Variants in PAK4 observed in about 807,000 individuals in gnomAD.
PAK4 encodes the protein p21 (RAC1) activated kinase 4, also known as serine/threonine-protein kinase PAK 4.
In PAK4, 49 loss-of-function variants were observed where a neutral mutation model predicts 53.5. The ratio of observed to expected loss-of-function variants is 0.92; its 90% CI spans 0.73 to 1.16. PAK4 has a LOEUF of 1.16. Among genes scored for constraint, PAK4 ranks in the 50% most tolerant of loss-of-function variants. The pLI is 0.00. For missense variants in PAK4, 824 were observed against 850.7 expected, an observed-to-expected ratio of 0.97 and a Z score of 0.39; for synonymous variants, 376 against 375.6, an observed-to-expected ratio of 1.00 and a Z score of -0.01.
intron 1 of PAK4, among the ~76,000 whole-genome samples, chr19:39,148,640 A>T (rs1170444759): frequency 6.6e-6 from 1 of 150,576 alleles, no homozygotes; most frequent in Non-Finnish European, 1.5e-5. Context: ...TGTTTTTAGT[A>T]GGCACAGGAT....
In PAK4 at chr19:39,161,907, A is replaced by G. The variant is rs1008998288; in HGVS notation, c.-22-7625A>G. Among the ~76,000 whole-genome samples, 16 of 151,734 alleles carry G rather than the reference A, an allele frequency of 1.1e-4. No individual in the cohort carries two copies. Among genetic ancestry groups the G allele is most frequent in the Non-Finnish European group, 1.6e-4 (11 of 67,954 alleles). On this transcript the variant is annotated intron_variant, in intron 1 of 8. Coordinates refer to ENST00000358301, the Ensembl canonical transcript of PAK4. This position sits in a 1 kb window ranked among gnomAD's most constrained non-coding sequence, Gnocchi z 4.5. ...CCCCTCCTCACGCAGGTCCCTGCTC[A>G]CGTGTCCCCTTCTCAGCAAGGCCTG...
chr19:39,141,046 G>A (rs2073900400), intron 1 of PAK4, among the ~76,000 whole-genome samples: 2 of 152,122 alleles, frequency 1.3e-5, no homozygotes, highest in African/African-American at 2.4e-5. Flanking sequence ...TTGCCATTAC[G>A]ATGAGGTCAC....
At chr19:39,170,761 C>CT (rs2074463237) in intron 2 of PAK4, among the ~76,000 whole-genome samples, 1 of 152,260 alleles carries the variant, frequency 6.6e-6, no homozygotes, top group Admixed American at 6.5e-5. Flanking sequence ...TGGTAGCCCA[C>CT]TGAGGGGTCC....
intron 1 of PAK4, chr19:39,152,133 C>G (rs915783748): frequency 1.3e-5 from 2 of 151,600 alleles, no homozygotes; most frequent in African/African-American, 4.9e-5. Context: ...CGAGGTCTCC[C>G]TATATTGCTC....
chr19:39,144,077 G>A (rs764029923), intron 1 of PAK4, among the ~76,000 whole-genome samples: 8 of 151,992 alleles, frequency 5.3e-5, no homozygotes, highest in Non-Finnish European at 1.0e-4. Flanking sequence ...AAGATAGAGC[G>A]AGCAAGACCC....
Position 39,178,669 on chromosome 19 carries a change from C to T in PAK4, c.*90C>T. ...AGGGGGCCAGGCCTCCCACTCCTCC[C>T]AGCCCGGGAGATGCTCCGCGTGGCA... On this transcript the variant is annotated 3_prime_UTR_variant, in exon 9 of 9. Coordinates refer to ENST00000358301, the Ensembl canonical transcript of PAK4. This position sits in a 1 kb window ranked among gnomAD's most constrained non-coding sequence, Gnocchi z 4.4. 8.1e-7 allele frequency: 1 copy of T among 1,229,972 alleles called. No homozygotes were observed. The highest frequency in any genetic ancestry group is 1.1e-6 in the Non-Finnish European group (1 of 886,704). 76.2% of individuals were successfully genotyped at this position (1,229,972 alleles called of 1,614,324 possible). A position where few individuals can be genotyped will look rare whatever the true frequency, so the allele number is the denominator to read the frequency against.
intron 1 of PAK4, among the ~76,000 whole-genome samples, chr19:39,148,466 C>CTTTTTTTTTTTTTCTTTTTTTTT (rs2074040526): frequency 3.5e-5 from 2 of 56,786 alleles, no homozygotes; most frequent in Non-Finnish European, 5.8e-5. Flanking sequence ...GTTTCTTCTG[C>CTTTTTTTTTTTTTCTTTTTTTTT]TTTTTTTTTT....
In PAK4 at chr19:39,140,447, C is replaced by T. The variant is rs558957259; in HGVS notation, c.-23+14528C>T. On this transcript the variant is annotated intron_variant, in intron 1 of 8. Transcript: ENST00000358301. ...AAGTTTGCAGGGAGGACTGTCCCCA[C>T]GGGTTGACTCTGACATGCCCTGTGA... 3.3e-5 allele frequency among the ~76,000 whole-genome samples: 5 copies of T among 152,294 alleles called. No homozygotes were observed. The South Asian group carries it at 6.2e-4, about 19-fold the overall frequency.
In PAK4 at chr19:39,161,649, C is replaced by T. The variant is rs567217210; in HGVS notation, c.-22-7883C>T. On this transcript the variant is annotated intron_variant, in intron 1 of 8. Coordinates refer to ENST00000358301, the Ensembl canonical transcript of PAK4. This position sits in a 1 kb window ranked among gnomAD's most constrained non-coding sequence, Gnocchi z 4.5. The stretch of plus-strand genomic sequence containing the variant: ...GTGGCCCTCCTGGGCTCAGAGACCC[C>T]TGCAACTCCGTCTCACTCGGGAAAG... Among the ~76,000 whole-genome samples, 32 of 152,164 alleles carry T rather than the reference C, an allele frequency of 2.1e-4. No homozygotes were observed. Among genetic ancestry groups the T allele is most frequent in the African/African-American group, 7.5e-4 (31 of 41,518 alleles).
At chr19:39,152,085 A>G (rs2074101811) in intron 1 of PAK4, 1 of 149,918 alleles carries the variant, frequency 6.7e-6, no homozygotes, top group African/African-American at 2.4e-5. Flanking sequence ...ATTGTGCACC[A>G]TTCTGAGTTA....
intron 1 of PAK4, among the ~76,000 whole-genome samples, chr19:39,164,435 G>A (rs919495930): frequency 6.6e-6 from 1 of 152,192 alleles, no homozygotes; most frequent in African/African-American, 2.4e-5. Context: ...GTCAGGGAAG[G>A]TGGGAGATCA....
At position 39,175,395 on chromosome 19, in the gene PAK4, G is replaced by T; in HGVS notation, c.1316G>T (p.Arg439Leu). The change falls in exon 6 of 9, where the codon CGG becomes CTG. Residue 439 changes from arginine to leucine, a missense_variant. Arg to Leu is a moderately radical substitution (Grantham distance 102, BLOSUM62 -2). Around this residue, in one of 2 missense-constraint regions of PAK4, gnomAD observed 346 missense variants for 415.0 expected, o/e 0.83. Coordinates refer to ENST00000358301, the Ensembl canonical transcript of PAK4. This position sits in a 1 kb window ranked among gnomAD's most constrained non-coding sequence, Gnocchi z 4.7. ...CTCCACGCCCAGGGCGTCATCCACC[G>T]GGACATCAAGAGCGACTCGATCCTG... The T allele has an allele frequency of 6.2e-7, 1 of 1,611,926 alleles. No homozygotes were observed. Among genetic ancestry groups the T allele is most frequent in the Non-Finnish European group, 8.5e-7 (1 of 1,179,498 alleles).
intron 1 of PAK4, among the ~76,000 whole-genome samples, chr19:39,159,965 C>T (rs1346206605): frequency 6.6e-6 from 1 of 152,198 alleles, no homozygotes; most frequent in African/African-American, 2.4e-5. Flanking sequence ...CCAGAGGCAC[C>T]CCCCATGTGA....
Position 39,173,340 on chromosome 19 carries a change from G to C in PAK4, c.627G>C (p.Pro209=). The C allele has an allele frequency of 6.4e-7, 1 of 1,569,656 alleles. No homozygotes were observed. Among genetic ancestry groups the C allele is most frequent in the Non-Finnish European group, 8.6e-7 (1 of 1,156,378 alleles). ...CTGGCCGGCCCTTTAACACCTACCC[G>C]AGGGCTGACACGGACCACCCATCCC... The change falls in exon 3 of 9, where the codon CCG becomes CCC. Residue 209 remains proline (P), a synonymous_variant. Transcript: ENST00000358301. The surrounding 1 kb of genome is among the most constrained non-coding windows in gnomAD (Gnocchi z 6.9).
At chr19:39,179,929 G>A (rs1199424255), downstream of PAK4, 1 of 152,326 alleles carries the variant, frequency 6.6e-6, no homozygotes, top group Non-Finnish European at 1.5e-5. Flanking sequence ...TGCCACCATC[G>A]CTGCTGCAGC....
In PAK4 at chr19:39,178,715, A is replaced by G; in HGVS notation, c.*136A>G. The G allele has an allele frequency of 1.4e-6, 1 of 715,022 alleles. No homozygotes were observed. 44.3% of individuals were successfully genotyped at this position (715,022 alleles called of 1,614,324 possible). On this transcript the variant is annotated 3_prime_UTR_variant, in exon 9 of 9. Coordinates refer to ENST00000358301, the Ensembl canonical transcript of PAK4. The surrounding 1 kb of genome is among the most constrained non-coding windows in gnomAD (Gnocchi z 4.4). ...TGGCACCACCCTCCTTGCTGGGGGTAGATGAGACCCTACTACTGAACTCCA... is the reference window on the plus strand; with the variant it reads ...TGGCACCACCCTCCTTGCTGGGGGTGGATGAGACCCTACTACTGAACTCCA...
rs550436595 is a variant in PAK4 at position 39,134,356 on chromosome 19, A to C, written c.-23+8437A>C. Among the ~76,000 whole-genome samples the C allele has an allele frequency of 7.9e-5, 12 of 152,354 alleles. No individual in the cohort carries two copies. In the South Asian group the frequency reaches 2.5e-3, roughly 32 times the overall value. On this transcript the variant is annotated intron_variant, in intron 1 of 8. Transcript: ENST00000358301. ...AGCCGCCTGCCCATAACCCCTGTCC[A>C]TCACGACCACAGTCGTGAGTGCTCT...
intron 1 of PAK4, among the ~76,000 whole-genome samples, chr19:39,153,800 C>G (rs1486846333): frequency 1.3e-5 from 2 of 152,076 alleles, no homozygotes; most frequent in Non-Finnish European, 2.9e-5. Context: ...CCAGGCTGGT[C>G]TCGAACTCCT....
At position 39,176,725 on chromosome 19, in the gene PAK4, G is replaced by C; in HGVS notation, c.1485+10G>C. 1 of 1,606,574 alleles carries C rather than the reference G, an allele frequency of 6.2e-7. No homozygotes were observed. The highest frequency in any genetic ancestry group is 8.5e-7 in the Non-Finnish European group (1 of 1,179,510). ...TCCCTACGGGCCAGAGGTGAGCCCC[G>C]GGGTGGCTTGGTTGTCCCGCCGTGG... is the stretch of plus-strand genomic sequence containing the variant. On this transcript the variant is annotated intron_variant, in intron 7 of 8. Transcript: ENST00000358301.
Sources: allele counts gnomAD v4.1 joint callset (sites outside exome capture counted in the v4.1 genomes callset), GRCh38; gene constraint gnomAD v4.1.1; regional missense constraint gnomAD v4.1.1; non-coding constraint Gnocchi (gnomAD v3.1); transcripts MANE v1.5; gene names NCBI Gene and HGNC (gene_info 2026-07-23, HGNC 2026-07-21).